PJA2: variants seen among roughly 807,000 people sequenced by gnomAD.
PJA2 encodes E3 ubiquitin-protein ligase Praja-2.
PJA2 carries 25 observed loss-of-function variants against 69.3 expected under a neutral mutation model. The observed-to-expected ratio is 0.36, with a 90% CI of 0.26 to 0.50. The LOEUF (loss-of-function observed/expected upper bound fraction) is 0.50, where lower values mean the gene tolerates loss of function less well. Among genes scored for constraint, PJA2 ranks in the 20% least tolerant of loss-of-function variants. PJA2 has a pLI of 0.96. For missense variants in PJA2, 809 were observed against 830.2 expected (o/e 0.97, Z 0.31); for synonymous variants, 308 against 277.8 (o/e 1.11, Z -1.08).
At chr5:109,344,169 T>TTTAA (rs10623655) in intron 9 of PJA2, 21 bp downstream of exon 9, 1,089,131 of 1,458,622 alleles carry the variant, frequency 0.75, 413,722 homozygotes, top group African/African-American at 0.92. Context: ...TTTTTAAATT[T>TTTAA]TTAATTATTC....
chr5:109,372,182 A>G (rs1289259141), intron 4 of PJA2, among the ~76,000 whole-genome samples: 1 of 152,208 alleles, frequency 6.6e-6, no homozygotes, highest in Non-Finnish European at 1.5e-5. Flanking sequence ...ACCACTTAAT[A>G]TATTTTACCC....
At chr5:109,354,003 A>G (rs1292159855) in intron 7 of PJA2, among the ~76,000 whole-genome samples, 1 of 144,114 alleles carries the variant, frequency 6.9e-6, no homozygotes, top group Non-Finnish European at 1.5e-5. Context: ...ATCTAGAGAT[A>G]TCTATAGATT....
At position 109,362,994 on chromosome 5, in the gene PJA2, T is replaced by C. The variant is rs1561350029; in HGVS notation, c.1498A>G (p.Ile500Val). Residue 500 changes from isoleucine to valine, a missense_variant, in exon 6 of 10, where the codon ATT becomes GTT. By Grantham distance (29) the Ile-to-Val change is conservative. This residue lies in a region of PJA2 where 700 missense variants were observed against 639.5 expected (regional missense o/e 1.09). Coordinates refer to ENST00000361189, the MANE Select transcript of PJA2 (RefSeq NM_014819.5). ...ACTTCATTGTACTGTAACCAAGGAA[T>C]TTCTCCCTCTTCCAAGGATGTCTGT... The part of the protein sequence containing the change: ...GEQTSLEEGE[I>V]PWLQYNEVNE... 3 of 1,603,172 alleles carry C rather than the reference T, an allele frequency of 1.9e-6. No homozygotes were observed. The highest frequency in any genetic ancestry group is 8.5e-7 in the Non-Finnish European group (1 of 1,171,784).
At chr5:109,385,584 T>C (rs1399264651) in intron 1 of PJA2, among the ~76,000 whole-genome samples, 1 of 152,210 alleles carries the variant, frequency 6.6e-6, no homozygotes. Flanking sequence ...GAGTCTGGTG[T>C]TGACTGAAGA....
intron 5 of PJA2, among the ~76,000 whole-genome samples, chr5:109,364,622 CAA>C (rs200663624): frequency 2.4e-4 from 15 of 61,844 alleles, no homozygotes; most frequent in Non-Finnish European, 2.4e-4. Context: ...GACTCTGTCT[CAA>C]AAAAAAAAAA....
chr5:109,371,245 G>T (rs1188279221), intron 4 of PJA2, among the ~76,000 whole-genome samples: 1 of 152,040 alleles, frequency 6.6e-6, no homozygotes, highest in African/African-American at 2.4e-5. Context: ...CATATCCCCA[G>T]CCAGCCCCAA....
At chr5:109,354,325 A>C (rs376447082) in intron 7 of PJA2, among the ~76,000 whole-genome samples, 1 of 57,362 alleles carries the variant, frequency 1.7e-5, no homozygotes, top group Non-Finnish European at 5.6e-5. Context: ...TTAGATATCT[A>C]TGATATCTAG....
At chr5:109,366,603 G>T (rs1762588605) in intron 5 of PJA2, among the ~76,000 whole-genome samples, 1 of 152,110 alleles carries the variant, frequency 6.6e-6, no homozygotes, top group Non-Finnish European at 1.5e-5. Context: ...CATCACATGT[G>T]TAATGTACTG....
chr5:109,402,615 A>G (rs1201093816), intron 1 of PJA2, among the ~76,000 whole-genome samples: 1 of 152,204 alleles, frequency 6.6e-6, no homozygotes, highest in African/African-American at 2.4e-5. Context: ...TCAATGAAAC[A>G]AACAAAAACT....
At chr5:109,392,944 AT>A (rs58858125) in intron 1 of PJA2, among the ~76,000 whole-genome samples, 115,726 of 152,050 alleles carry the variant, frequency 0.76, 45,015 homozygotes, top group African/African-American at 0.89. Context: ...GTAAAGAAAG[AT>A]TTTTTTAAAG....
intron 1 of PJA2, among the ~76,000 whole-genome samples, chr5:109,406,486 C>T (rs1385345765): frequency 6.6e-6 from 1 of 151,984 alleles, no homozygotes; most frequent in Non-Finnish European, 1.5e-5. Flanking sequence ...TACTATATAC[C>T]CACTAAAAGG....
intron 6 of PJA2, among the ~76,000 whole-genome samples, chr5:109,359,097 T>C (rs1467860269): frequency 6.6e-6 from 1 of 152,154 alleles, no homozygotes; most frequent in Non-Finnish European, 1.5e-5. Flanking sequence ...TACTACTCAA[T>C]ATGAAGACAG....
intron 7 of PJA2, among the ~76,000 whole-genome samples, chr5:109,353,015 TA>T (rs1762287279): frequency 7.5e-6 from 1 of 132,798 alleles, no homozygotes; most frequent in African/African-American, 2.9e-5. Flanking sequence ...TAGATACCTA[TA>T]TCTATAGATA....
At chr5:109,356,973 T>C (rs1351004101) in intron 6 of PJA2, among the ~76,000 whole-genome samples, 2 of 152,194 alleles carry the variant, frequency 1.3e-5, no homozygotes, top group East Asian at 3.8e-4. Context: ...ATACTATGTA[T>C]TTCAAAAATT....
chr5:109,367,238 T>C (rs1011273478), intron 5 of PJA2, among the ~76,000 whole-genome samples: 2 of 150,556 alleles, frequency 1.3e-5, no homozygotes, highest in African/African-American at 2.4e-5. Context: ...CCTACCACTG[T>C]TGAAACCAAT....
At position 109,389,934 on chromosome 5, in the gene PJA2, A is replaced by ATAAT. The variant is rs551097897; in HGVS notation, c.-87-6418_-87-6415dup. ...TTTTTTTTTGTTATTGGGTTGTAAT[A>ATAAT]TAATTCTATAGTGATCAGAAAACAT... On this transcript the variant is annotated intron_variant, in intron 1 of 9. Coordinates refer to ENST00000361189, the MANE Select transcript of PJA2 (RefSeq NM_014819.5). 1.6e-4 allele frequency among the ~76,000 whole-genome samples: 24 copies of ATAAT among 150,702 alleles called. No homozygotes were observed. The South Asian group carries it at 5.0e-3, about 31-fold the overall frequency.
intron 4 of PJA2, among the ~76,000 whole-genome samples, chr5:109,373,939 G>GAA (rs1762717846): frequency 1.3e-5 from 2 of 152,054 alleles, no homozygotes; most frequent in South Asian, 4.1e-4. Flanking sequence ...ATTCCCCAAG[G>GAA]TACTTGTTAC....
At chr5:109,381,837 C>A (rs1169324936) in intron 2 of PJA2, 134 bp from the exon 3 acceptor site, 3 of 686,316 alleles carry the variant, frequency 4.4e-6, no homozygotes, top group Non-Finnish European at 7.2e-6. Flanking sequence ...GTGTACCTTA[C>A]TAGTACTATA....
intron 5 of PJA2, 45 bp downstream of exon 5, chr5:109,368,516 C>T (rs1762622369): frequency 5.2e-6 from 8 of 1,533,384 alleles, no homozygotes; most frequent in East Asian, 2.3e-5. Flanking sequence ...AAATATACCA[C>T]TCTTGTACAA....
Sources: gnomAD v4.1 joint callset for allele counts (sites outside exome capture counted in the v4.1 genomes callset) on GRCh38, gnomAD v4.1.1 for gene constraint, gnomAD v4.1.1 regional missense constraint, MANE v1.5 for transcripts, NCBI Gene and HGNC (gene_info 2026-07-23, HGNC 2026-07-21) for gene names.